The following TAS2R1 variants were observed in gnomAD, a reference collection of about 807,000 sequenced individuals.
TAS2R1 encodes taste receptor type 2 member 1.
For synonymous variants in TAS2R1, 141 were observed against 134.2 expected, an observed-to-expected ratio of 1.05 and a Z score of -0.35; for missense variants, 370 against 353.4, an observed-to-expected ratio of 1.05 and a Z score of -0.38.
At chr5:9,751,436 T>C in the TAS2R1 span, among the ~76,000 whole-genome samples, 3 of 152,118 alleles carry the variant, frequency 2.0e-5, no homozygotes, top group African/African-American at 7.2e-5. Context: ...TTTCCCAGTA[T>C]AGAGACAGCA....
the TAS2R1 span, among the ~76,000 whole-genome samples, chr5:9,822,887 T>C: frequency 1.7e-4 from 26 of 152,200 alleles, no homozygotes; most frequent in South Asian, 5.0e-3. Flanking sequence ...AGTAATAGCT[T>C]TTTTAAAAGA....
the TAS2R1 span, among the ~76,000 whole-genome samples, chr5:9,783,308 C>T: frequency 6.6e-6 from 1 of 152,182 alleles, no homozygotes; most frequent in Admixed American, 6.5e-5. Context: ...TTAAGAAAGG[C>T]AGTAACATCA....
At chr5:9,867,236 G>A in the TAS2R1 span, 1 of 152,138 alleles carries the variant, frequency 6.6e-6, no homozygotes, top group Non-Finnish European at 1.5e-5. Flanking sequence ...TTCCTGCTGG[G>A]AATCTGAAAT....
At chr5:9,797,071 G>A in the TAS2R1 span, among the ~76,000 whole-genome samples, 1 of 152,178 alleles carries the variant, frequency 6.6e-6, no homozygotes, top group African/African-American at 2.4e-5. Flanking sequence ...GCTAGGAGGA[G>A]TTTGATTGGG....
chr5:9,678,255 G>A (rs1420268629), intron 1 of TAS2R1, among the ~76,000 whole-genome samples: 2 of 152,104 alleles, frequency 1.3e-5, no homozygotes, highest in African/African-American at 4.8e-5. Context: ...CAATCAGAAT[G>A]GTGGTGATTA....
chr5:9,817,201 T>C, the TAS2R1 span, among the ~76,000 whole-genome samples: 1 of 152,204 alleles, frequency 6.6e-6, no homozygotes, highest in Non-Finnish European at 1.5e-5. Flanking sequence ...CGAGGTTTAA[T>C]ATCTGTAAAA....
the TAS2R1 span, among the ~76,000 whole-genome samples, chr5:9,757,246 T>C: frequency 6.6e-6 from 1 of 152,216 alleles, no homozygotes; most frequent in Non-Finnish European, 1.5e-5. Context: ...AGCTCTTTCA[T>C]AGTGTGGAAC....
At chr5:9,727,558 T>C in the TAS2R1 span, among the ~76,000 whole-genome samples, 1 of 152,090 alleles carries the variant, frequency 6.6e-6, no homozygotes, top group African/African-American at 2.4e-5. Flanking sequence ...AGAAAGAGAT[T>C]CCCCAGACTG....
the TAS2R1 span, among the ~76,000 whole-genome samples, chr5:9,855,728 G>A: frequency 7.2e-5 from 11 of 152,232 alleles, no homozygotes; most frequent in Admixed American, 3.3e-4. Flanking sequence ...TGGTGACTGA[G>A]CCCTGCTTCT....
At chr5:9,823,071 T>C in the TAS2R1 span, among the ~76,000 whole-genome samples, 5 of 148,550 alleles carry the variant, frequency 3.4e-5, no homozygotes, top group Non-Finnish European at 7.4e-5. Context: ...ACAAGAACTG[T>C]CCAGGACTTA....
chr5:9,805,480 T>C, the TAS2R1 span, among the ~76,000 whole-genome samples: 1 of 151,772 alleles, frequency 6.6e-6, no homozygotes, highest in South Asian at 2.1e-4. Flanking sequence ...CTGAAGAACA[T>C]AGATGCAAAA....
chr5:9,879,398 T>G, the TAS2R1 span, among the ~76,000 whole-genome samples: 3 of 152,186 alleles, frequency 2.0e-5, no homozygotes, highest in Admixed American at 6.5e-5. Flanking sequence ...CTCCTGCAGG[T>G]TGCCCACATG....
At chr5:9,788,022 G>C in the TAS2R1 span, among the ~76,000 whole-genome samples, 1 of 152,196 alleles carries the variant, frequency 6.6e-6, no homozygotes, top group African/African-American at 2.4e-5. Flanking sequence ...TGGTGAGCCT[G>C]CTGGGCTGTC....
chr5:9,666,968 T>C (rs1473838022), intron 1 of TAS2R1, among the ~76,000 whole-genome samples: 1 of 151,982 alleles, frequency 6.6e-6, no homozygotes, highest in Non-Finnish European at 1.5e-5. Context: ...AAAATCAAGC[T>C]CAAGGCAAAT....
At chr5:9,636,633 T>C (rs554228609) in intron 2 of TAS2R1, among the ~76,000 whole-genome samples, 3 of 152,292 alleles carry the variant, frequency 2.0e-5, no homozygotes, top group African/African-American at 4.8e-5. Flanking sequence ...TTTAGGATTA[T>C]GATATTTTCC....
At chr5:9,695,788 T>A (rs1323176243) in intron 1 of TAS2R1, among the ~76,000 whole-genome samples, 1 of 152,106 alleles carries the variant, frequency 6.6e-6, no homozygotes, top group African/African-American at 2.4e-5. Flanking sequence ...AACTGGAGCC[T>A]GACTCTGAAT....
the TAS2R1 span, among the ~76,000 whole-genome samples, chr5:9,864,210 G>A: frequency 6.6e-6 from 1 of 152,212 alleles, no homozygotes; most frequent in Non-Finnish European, 1.5e-5. Context: ...AGGCCCTGCT[G>A]TGCCTGAGTG....
the TAS2R1 span, among the ~76,000 whole-genome samples, chr5:9,812,413 G>A: frequency 3.3e-5 from 5 of 151,954 alleles, no homozygotes; most frequent in Admixed American, 3.3e-4. Context: ...GGACATAGAG[G>A]ACCAATGAAT....
rs985609933 is a variant in TAS2R1 at position 9,628,760 on chromosome 5, T to G, written c.*373A>C. ...TTCTGACATCACGAGTTCAAACAAG[T>G]GCTTTTCTTTTTCATCAAACTTTTA... is the stretch of plus-strand genomic sequence containing the variant. On this transcript the variant is annotated 3_prime_UTR_variant, in exon 1 of 1. Transcript: ENST00000382492. 8.5e-5 allele frequency among the ~76,000 whole-genome samples: 13 copies of G among 152,316 alleles called. No individual in the cohort carries two copies. The highest frequency in any genetic ancestry group is 3.1e-4 in the African/African-American group (13 of 41,570).
Sources: gnomAD v4.1 joint callset for allele counts (sites outside exome capture counted in the v4.1 genomes callset) on GRCh38, gnomAD v4.1.1 for gene constraint, MANE v1.5 for transcripts, NCBI Gene and HGNC (gene_info 2026-07-23, HGNC 2026-07-21) for gene names.